Variants in AUTS2 observed in about 807,000 individuals in gnomAD.
AUTS2 encodes the protein autism susceptibility gene 2 protein.
In AUTS2, 17 loss-of-function variants were observed where a neutral mutation model predicts 112.4. The ratio of observed to expected loss-of-function variants is 0.15; its 90% CI spans 0.10 to 0.23. The LOEUF (loss-of-function observed/expected upper bound fraction) is 0.23. Ranked by LOEUF, AUTS2 falls within the 10% of genes least tolerant of loss-of-function variation. The probability of loss-of-function intolerance (pLI) is 1.00; values close to 1 mark genes in which losing one functional copy is unlikely to be tolerated. For missense variants in AUTS2, 1,510 were observed against 1,701.6 expected, an observed-to-expected ratio of 0.89 and a Z score of 1.98; for synonymous variants, 751 against 702.7, an observed-to-expected ratio of 1.07 and a Z score of -1.09.
At chr7:70,269,604 C>T (rs553450766) in intron 4 of AUTS2, among the ~76,000 whole-genome samples, 9 of 152,264 alleles carry the variant, frequency 5.9e-5, no homozygotes, top group South Asian at 2.1e-4. Context: ...AAGATAATAG[C>T]GCCTGTCTTA....
At chr7:69,872,005 C>T (rs531452973) in intron 1 of AUTS2, among the ~76,000 whole-genome samples, 58 of 152,278 alleles carry the variant, frequency 3.8e-4, no homozygotes, top group African/African-American at 1.3e-3. Context: ...GCCAGGAATT[C>T]GCTCGCGCCT....
intron 5 of AUTS2, among the ~76,000 whole-genome samples, chr7:70,460,021 C>T (rs745778011): frequency 3.9e-5 from 6 of 152,166 alleles, no homozygotes; most frequent in Non-Finnish European, 5.9e-5. Flanking sequence ...CCCCAATAGA[C>T]GTTACTTCAT....
chr7:69,981,182 G>A (rs1360705102), intron 2 of AUTS2, among the ~76,000 whole-genome samples: 1 of 152,202 alleles, frequency 6.6e-6, no homozygotes, highest in Non-Finnish European at 1.5e-5. Context: ...AGCAGAAACA[G>A]GTTTGGGTAT....
At chr7:70,591,308 G>A (rs1802931580) in intron 5 of AUTS2, among the ~76,000 whole-genome samples, 1 of 150,090 alleles carries the variant, frequency 6.7e-6, no homozygotes, top group Non-Finnish European at 1.5e-5. Flanking sequence ...CCGCTTTGCT[G>A]GAGGAAAGTT....
At chr7:70,714,222 T>G (rs1430280777) in intron 6 of AUTS2, among the ~76,000 whole-genome samples, 1 of 152,136 alleles carries the variant, frequency 6.6e-6, no homozygotes. Flanking sequence ...TAATTCAATA[T>G]AGAAAATGTA....
At chr7:69,762,174 G>A (rs182184631) in intron 1 of AUTS2, among the ~76,000 whole-genome samples, 5 of 152,038 alleles carry the variant, frequency 3.3e-5, no homozygotes, top group Non-Finnish European at 1.5e-5. Flanking sequence ...TGATTTCTCT[G>A]GGCCTGAGTT....
chr7:69,709,512 A>G (rs1000367443), intron 1 of AUTS2, among the ~76,000 whole-genome samples: 1 of 152,310 alleles, frequency 6.6e-6, no homozygotes, highest in East Asian at 1.9e-4. Context: ...GGCCATTCGC[A>G]TAGTTTGGAT....
At chr7:70,233,539 T>C (rs1812165593) in intron 4 of AUTS2, among the ~76,000 whole-genome samples, 1 of 152,218 alleles carries the variant, frequency 6.6e-6, no homozygotes, top group African/African-American at 2.4e-5. Context: ...CCAGGTCTGC[T>C]GCGTTTAGAA....
intron 1 of AUTS2, chr7:69,824,442 A>G (rs966503868): frequency 6.6e-6 from 1 of 152,020 alleles, no homozygotes; most frequent in East Asian, 1.9e-4. Flanking sequence ...ACTTAATGTC[A>G]TAAATCATTG....
intron 4 of AUTS2, chr7:70,290,423 T>A (rs571563605): frequency 1.3e-6 from 2 of 1,540,998 alleles, no homozygotes; most frequent in East Asian, 4.9e-5. Flanking sequence ...GGAAATGATA[T>A]GAAGAGGGAT....
intron 4 of AUTS2, among the ~76,000 whole-genome samples, chr7:70,178,068 A>G (rs1809091284): frequency 6.6e-6 from 1 of 152,016 alleles, no homozygotes; most frequent in African/African-American, 2.4e-5. Flanking sequence ...GGTGTGTGCC[A>G]CCACACCCAG....
intron 5 of AUTS2, among the ~76,000 whole-genome samples, chr7:70,696,794 A>G (rs906438451): frequency 1.1e-4 from 16 of 152,166 alleles, no homozygotes; most frequent in Non-Finnish European, 2.2e-4. Context: ...TCTTGGGGCC[A>G]ATTAGAGTCA....
chr7:69,755,949 C>G (rs963063200), intron 1 of AUTS2, among the ~76,000 whole-genome samples: 2 of 152,182 alleles, frequency 1.3e-5, no homozygotes, highest in Non-Finnish European at 2.9e-5. Flanking sequence ...CCCTGGATGC[C>G]ATGCACCATC....
At chr7:70,222,477 A>G (rs561844695) in intron 4 of AUTS2, among the ~76,000 whole-genome samples, 3 of 152,360 alleles carry the variant, frequency 2.0e-5, no homozygotes, top group East Asian at 1.9e-4. Context: ...TTTAACATCT[A>G]TGATTAAAAT....
At chr7:70,247,860 A>ATTTTG (rs1030356899) in intron 4 of AUTS2, among the ~76,000 whole-genome samples, 36 of 152,166 alleles carry the variant, frequency 2.4e-4, no homozygotes, top group African/African-American at 8.2e-4. Flanking sequence ...TAAATATGGT[A>ATTTTG]TTTTGTTTTG....
intron 5 of AUTS2, among the ~76,000 whole-genome samples, chr7:70,612,033 C>T (rs776299197): frequency 6.6e-6 from 1 of 152,076 alleles, no homozygotes; most frequent in African/African-American, 2.4e-5. Flanking sequence ...ATAATGTATA[C>T]ACAAATGTGT....
intron 5 of AUTS2, among the ~76,000 whole-genome samples, chr7:70,680,998 T>C (rs1808178219): frequency 6.6e-6 from 1 of 152,180 alleles, no homozygotes; most frequent in Non-Finnish European, 1.5e-5. Flanking sequence ...CATTTTTTTC[T>C]CTCCTGGAGA....
chr7:70,070,598 G>A (rs1024868568), intron 2 of AUTS2, among the ~76,000 whole-genome samples: 1 of 152,076 alleles, frequency 6.6e-6, no homozygotes, highest in Non-Finnish European at 1.5e-5. Flanking sequence ...AGGCGCAGTG[G>A]CTTACGCCTA....
chr7:69,921,114 G>T (rs368225126), intron 2 of AUTS2, among the ~76,000 whole-genome samples: 4 of 152,164 alleles, frequency 2.6e-5, no homozygotes, highest in Admixed American at 6.5e-5. Flanking sequence ...ATGGCGAGTT[G>T]TGTGGTTTGT....
Sources: gnomAD v4.1 joint callset for allele counts (sites outside exome capture counted in the v4.1 genomes callset) on GRCh38, gnomAD v4.1.1 for gene constraint, MANE v1.5 for transcripts, NCBI Gene and HGNC (gene_info 2026-07-23, HGNC 2026-07-21) for gene names.